Variants in CEP295 observed in about 807,000 individuals in gnomAD.
The protein encoded by CEP295 is centrosomal protein of 295 kDa.
A neutral mutation model predicts 291.6 loss-of-function variants in CEP295; 190 were observed. The ratio of observed to expected loss-of-function variants is 0.65; its 90% confidence interval spans 0.58 to 0.73. The LOEUF (loss-of-function observed/expected upper bound fraction) is 0.73, where lower values mean the gene tolerates loss of function less well. Among genes scored for constraint, CEP295 ranks in the 30% least tolerant of loss-of-function variants. The pLI, the probability that CEP295 is intolerant of heterozygous loss-of-function variation, is 0.00. For missense variants in CEP295, 2,863 were observed against 2,949.4 expected, an observed-to-expected ratio of 0.97 and a Z score of 0.68; for synonymous variants, 993 against 1,038.8, an observed-to-expected ratio of 0.96 and a Z score of 0.85.
chr11:93,687,881 A>T lies in CEP295; in HGVS notation c.1336+16A>T. 1 of 1,522,320 alleles carries T rather than the reference A, an allele frequency of 6.6e-7. No individual in the cohort carries two copies. Among genetic ancestry groups the T allele is most frequent in the South Asian group, 1.2e-5 (1 of 80,326 alleles). 94.3% of individuals were successfully genotyped at this position (1,522,320 alleles called of 1,614,324 possible). On this transcript the variant is annotated intron_variant, in intron 10 of 29. Coordinates refer to ENST00000325212, the MANE Select transcript of CEP295 (RefSeq NM_033395.2). ...CAGGAACAAGGTATTTCTCTCCAAG[A>T]GTCTCATTTTCTATAAACCCTTTTA...
chr11:93,698,920 G>C lies in CEP295; in HGVS notation c.4008G>C (p.Arg1336Ser). ...TTCAGATCCCACAATTGCAGGATAG[G>C]CTTTTGAGGATATCGCAACTTATCC... is the stretch of plus-strand genomic sequence containing the variant. ...SHLQIPQLQD[R>S]LLRISQLIQP... Residue 1336 changes from arginine (R) to serine (S), a missense_variant, in exon 15 of 30, where the codon AGG (arginine) becomes AGC (serine). Arg to Ser is a moderately radical substitution (Grantham distance 110). Coordinates refer to ENST00000325212, the MANE Select transcript of CEP295 (RefSeq NM_033395.2). 1.3e-6 allele frequency: 2 copies of C among 1,551,590 alleles called. No homozygotes were observed. Among genetic ancestry groups the C allele is most frequent in the Non-Finnish European group, 1.7e-6 (2 of 1,146,980 alleles).
intron 13 of CEP295, 147 bp downstream of exon 13, chr11:93,695,781 C>A: frequency 3.6e-6 from 3 of 825,914 alleles, no homozygotes; most frequent in Non-Finnish European, 5.2e-6. Context: ...GTGGCCGAGA[C>A]AGGCAGATCA....
intron 18 of CEP295, among the ~76,000 whole-genome samples, chr11:93,715,145 T>A (rs971724240): frequency 6.6e-6 from 1 of 151,830 alleles, no homozygotes; most frequent in Non-Finnish European, 1.5e-5. Flanking sequence ...GGAATCGGGA[T>A]CTTTAGAACT....
intron 12 of CEP295, among the ~76,000 whole-genome samples, chr11:93,693,213 C>T (rs1426448557): frequency 3.3e-5 from 5 of 151,720 alleles, no homozygotes; most frequent in Non-Finnish European, 7.4e-5. Context: ...GGAGACAGAG[C>T]TTGCAGTGAG....
intron 18 of CEP295, among the ~76,000 whole-genome samples, chr11:93,712,361 C>A (rs986965374): frequency 6.6e-6 from 1 of 152,140 alleles, no homozygotes; most frequent in Admixed American, 6.5e-5. Context: ...TCAAGTGATT[C>A]TCCTGCTTCA....
chr11:93,702,299 GAAGC>G (rs1952217429), intron 15 of CEP295, among the ~76,000 whole-genome samples, 157 bp from the exon 16 acceptor site: 1 of 152,178 alleles, frequency 6.6e-6, no homozygotes, highest in Non-Finnish European at 1.5e-5. Flanking sequence ...TTTGGCATTA[GAAGC>G]ATATCTTATT....
intron 3 of CEP295, among the ~76,000 whole-genome samples, chr11:93,668,017 T>C (rs1250691735): frequency 6.6e-6 from 1 of 152,066 alleles, no homozygotes; most frequent in East Asian, 1.9e-4. Context: ...CAAATAAAAT[T>C]GGTCTTCCTA....
chr11:93,695,584 T>C lies in CEP295; in HGVS notation c.1621T>C (p.Phe541Leu). ...QQKLRLETDC[F>L]RAQLEEEKRK... is the part of the protein sequence containing the mutation. ...GAAATTAAGATTAGAAACTGACTGCTTCAGGGCTCAGCTGGAAGAAGAAAA... is the reference window on the plus strand; with the variant it reads ...GAAATTAAGATTAGAAACTGACTGCCTCAGGGCTCAGCTGGAAGAAGAAAA... Residue 541 changes from phenylalanine (F) to leucine (L), a missense_variant, in exon 13 of 30, where the codon TTC becomes CTC. Physicochemically the swap from Phe to Leu is conservative, Grantham distance 22. Transcript: ENST00000325212. 1 of 1,495,822 alleles carries C rather than the reference T, an allele frequency of 6.7e-7. No individual in the cohort carries two copies. Among genetic ancestry groups the C allele is most frequent in the Non-Finnish European group, 8.8e-7 (1 of 1,130,268 alleles). 92.7% of individuals were successfully genotyped at this position (1,495,822 alleles called of 1,614,324 possible). A position where few individuals can be genotyped will look rare whatever the true frequency, so the allele number is the denominator to read the frequency against.
In CEP295 at chr11:93,698,300, GAGA is replaced by G. The variant is rs1951955177; in HGVS notation, c.3391_3393del (p.Lys1131del). 6.4e-7 allele frequency: 1 copy of G among 1,551,764 alleles called. No individual in the cohort carries two copies. Among genetic ancestry groups the G allele is most frequent in the Non-Finnish European group, 8.7e-7 (1 of 1,147,016 alleles). ...GAGAATTCAGGAGCTTTATTTATCT[GAGA>G]AGGAGAATGTAGGTCCCTCCTGTCA... On this transcript the variant is annotated inframe_deletion, in exon 15 of 30. Coordinates refer to ENST00000325212, the MANE Select transcript of CEP295 (RefSeq NM_033395.2).
intron 18 of CEP295, among the ~76,000 whole-genome samples, chr11:93,718,403 T>A (rs1412011359): frequency 6.6e-6 from 1 of 152,208 alleles, no homozygotes; most frequent in Admixed American, 6.5e-5. Context: ...TTACTTTCAT[T>A]ATGTCACTTC....
chr11:93,680,703 G>T (rs1477786811), intron 7 of CEP295, among the ~76,000 whole-genome samples: 1 of 152,172 alleles, frequency 6.6e-6, no homozygotes, highest in African/African-American at 2.4e-5. Context: ...AATGAAAGCT[G>T]GCTTTATAGT....
chr11:93,699,776 G>A lies in CEP295; in HGVS notation c.4864G>A (p.Glu1622Lys), dbSNP rs1158198574. Residue 1622 changes from glutamate (E) to lysine (K), a missense_variant, in exon 15 of 30, where the codon GAA (glutamate) becomes AAA (lysine). Around this residue, in one of 3 missense-constraint regions of CEP295, gnomAD observed 2,295 missense variants for 2,335.7 expected, o/e 0.98. Transcript: ENST00000325212. ...EVMYSYEKPQ[E>K]ELSLNKQRKL... ...GATGTATTCTTATGAGAAACCCCAG[G>A]AAGAACTGTCTTTAAACAAACAAAG... 6.4e-7 allele frequency: 1 copy of A among 1,551,994 alleles called. No individual in the cohort carries two copies. The highest frequency in any genetic ancestry group is 1.4e-5 in the African/African-American group (1 of 73,042).
At chr11:93,682,964 C>T (rs777277980) in intron 7 of CEP295, among the ~76,000 whole-genome samples, 31 of 152,194 alleles carry the variant, frequency 2.0e-4, no homozygotes, top group Non-Finnish European at 4.3e-4. Context: ...TTACCTTCTA[C>T]CACCAAAATT....
intron 5 of CEP295, among the ~76,000 whole-genome samples, chr11:93,674,349 A>G (rs754323087): frequency 6.6e-6 from 1 of 152,164 alleles, no homozygotes; most frequent in Non-Finnish European, 1.5e-5. Context: ...ACTTTGGTTA[A>G]TTCTCAACCT....
At chr11:93,675,508 T>C (rs777012900) in intron 5 of CEP295, 63 bp from the exon 6 acceptor site, 26 of 843,592 alleles carry the variant, frequency 3.1e-5, no homozygotes, top group Non-Finnish European at 4.4e-5. Flanking sequence ...TTTTTTTGCA[T>C]TGGATTCAGC....
chr11:93,709,900 C>T (rs1952782086), intron 18 of CEP295, among the ~76,000 whole-genome samples: 1 of 152,004 alleles, frequency 6.6e-6, no homozygotes, highest in South Asian at 2.1e-4. Flanking sequence ...TTCTTTGTAG[C>T]TGTTGTAAAT....
chr11:93,690,953 G>A (rs1363230889), intron 10 of CEP295, among the ~76,000 whole-genome samples: 1 of 152,032 alleles, frequency 6.6e-6, no homozygotes, highest in Non-Finnish European at 1.5e-5. Flanking sequence ...TACCTGGCTG[G>A]TTCTTCCTTA....
chr11:93,728,577 A>G, intron 24 of CEP295, 104 bp from the exon 25 acceptor site: 1 of 929,702 alleles, frequency 1.1e-6, no homozygotes, highest in Non-Finnish European at 1.5e-6. Context: ...CTCCATTTTC[A>G]CATTTATATA....
At chr11:93,687,991 A>G in intron 10 of CEP295, 126 bp downstream of exon 10, 1 of 574,586 alleles carries the variant, frequency 1.7e-6, no homozygotes. Flanking sequence ...ATTAAAAGCA[A>G]CAAAGAAACA....
Sources: allele counts gnomAD v4.1 joint callset (sites outside exome capture counted in the v4.1 genomes callset), GRCh38; gene constraint gnomAD v4.1.1; regional missense constraint gnomAD v4.1.1; transcripts MANE v1.5; gene names NCBI Gene and HGNC (gene_info 2026-07-23, HGNC 2026-07-21).